The following DYNC2I1 variants were observed in gnomAD, a reference collection of about 807,000 sequenced individuals.
DYNC2I1 encodes the protein dynein 2 intermediate chain 1, also known as cytoplasmic dynein 2 intermediate chain 1.
Under a neutral mutation model 133.4 loss-of-function variants are expected in DYNC2I1, and 89 were observed. That is an observed-to-expected ratio of 0.67 (90% CI 0.56 to 0.80). The LOEUF (loss-of-function observed/expected upper bound fraction) is 0.80, where lower values mean the gene tolerates loss of function less well. Ranked by LOEUF, DYNC2I1 falls within the 30% of genes least tolerant of loss-of-function variation. The probability of loss-of-function intolerance (pLI) is 0.00; values close to 1 mark genes in which losing one functional copy is unlikely to be tolerated. For missense variants in DYNC2I1, 1,291 were observed against 1,314.5 expected, an observed-to-expected ratio of 0.98 and a Z score of 0.28; for synonymous variants, 504 against 484.3, an observed-to-expected ratio of 1.04 and a Z score of -0.54.
chr7:158,869,480 G>C (rs1326371247), intron 1 of DYNC2I1: 3 of 473,268 alleles, frequency 6.3e-6, no homozygotes, highest in African/African-American at 6.0e-5. Context: ...TGTGTGCACA[G>C]CATTTGGGAC....
At chr7:158,879,455 A>G (rs779734885) in intron 4 of DYNC2I1, among the ~76,000 whole-genome samples, 1 of 152,162 alleles carries the variant, frequency 6.6e-6, no homozygotes, top group Non-Finnish European at 1.5e-5. Flanking sequence ...TCGTCTCTAT[A>G]TTACTTAAAA....
intron 15 of DYNC2I1, among the ~76,000 whole-genome samples, chr7:158,920,865 A>G (rs951278924): frequency 6.6e-6 from 1 of 152,170 alleles, no homozygotes; most frequent in Admixed American, 6.5e-5. Context: ...CCTAGGGTCC[A>G]CCCAGTACCC....
In DYNC2I1 at chr7:158,915,196, G is replaced by A. The variant is rs551462525; in HGVS notation, c.1791+875G>A. The stretch of plus-strand genomic sequence containing the variant: ...GTTGACAGGATGATTGTGAAACCTC[G>A]ACACGCTGGTTGACATTAAGGATGA... On this transcript the variant is annotated intron_variant, in intron 14 of 24. Coordinates refer to ENST00000407559, the MANE Select transcript of DYNC2I1 (RefSeq NM_018051.5). Among the ~76,000 whole-genome samples the A allele has an allele frequency of 7.0e-3, 1,008 of 142,994 alleles. 17 individuals are homozygous for A. The highest frequency in any genetic ancestry group is 0.027 in the Admixed American group (379 of 13,970). 93.8% of individuals were successfully genotyped at this position (142,994 alleles called of 152,430 possible). A position where few individuals can be genotyped will look rare whatever the true frequency, so the allele number is the denominator to read the frequency against.
At chr7:158,923,984 A>T (rs1171097774) in intron 17 of DYNC2I1, among the ~76,000 whole-genome samples, 2 of 152,174 alleles carry the variant, frequency 1.3e-5, no homozygotes, top group African/African-American at 4.8e-5. Context: ...TCCTCAATGA[A>T]ATTACCTTTA....
intron 16 of DYNC2I1, 95 bp downstream of exon 16, chr7:158,922,644 A>C (rs991510279): frequency 8.0e-7 from 1 of 1,256,314 alleles, no homozygotes; most frequent in East Asian, 2.5e-5. Flanking sequence ...AGAGAGGTGC[A>C]GGGACAGGAG....
intron 3 of DYNC2I1, among the ~76,000 whole-genome samples, chr7:158,873,729 C>T (rs995045192): frequency 2.6e-5 from 4 of 152,090 alleles, no homozygotes; most frequent in Admixed American, 2.6e-4. Context: ...GTAGCAGAGT[C>T]TCCAGGCTCG....
intron 1 of DYNC2I1, among the ~76,000 whole-genome samples, chr7:158,862,374 C>T (rs770769416): frequency 9.9e-5 from 15 of 152,032 alleles, no homozygotes; most frequent in Non-Finnish European, 2.1e-4. Flanking sequence ...ATTGGTTATA[C>T]ATCACTGAAC....
At chr7:158,942,679 G>C (rs1585256894) in intron 24 of DYNC2I1, among the ~76,000 whole-genome samples, 1 of 152,216 alleles carries the variant, frequency 6.6e-6, no homozygotes, top group Non-Finnish European at 1.5e-5. Flanking sequence ...ATGTCTGAAC[G>C]AGGTACTTGG....
At chr7:158,858,011 G>A (rs550082817) in intron 1 of DYNC2I1, among the ~76,000 whole-genome samples, 18 of 151,948 alleles carry the variant, frequency 1.2e-4, no homozygotes, top group Non-Finnish European at 2.6e-4. Flanking sequence ...GGCTGGTCTC[G>A]AACTCCTGAC....
At chr7:158,871,120 A>G in intron 2 of DYNC2I1, 22 bp from the exon 3 acceptor site, 1 of 1,592,698 alleles carries the variant, frequency 6.3e-7, no homozygotes, top group Non-Finnish European at 8.5e-7. Context: ...GTCACGGAGG[A>G]CCCTTTGTTC....
chr7:158,884,066 A>G (rs1230724067), intron 5 of DYNC2I1, among the ~76,000 whole-genome samples: 2 of 139,546 alleles, frequency 1.4e-5, no homozygotes, highest in African/African-American at 5.3e-5. Context: ...TTTTTTTGAG[A>G]TGGAGTCTCG....
At chr7:158,866,533 A>C (rs979037943) in intron 1 of DYNC2I1, among the ~76,000 whole-genome samples, 1 of 151,902 alleles carries the variant, frequency 6.6e-6, no homozygotes, top group Non-Finnish European at 1.5e-5. Flanking sequence ...CCTGGGTTCC[A>C]TTCAGCCCTT....
intron 1 of DYNC2I1, among the ~76,000 whole-genome samples, chr7:158,857,023 C>T (rs1232735395): frequency 2.6e-5 from 4 of 152,168 alleles, no homozygotes; most frequent in African/African-American, 9.6e-5. Context: ...CGGCCCGTCT[C>T]CTCGCGCCCG....
At chr7:158,938,913 C>T (rs1851050318) in intron 23 of DYNC2I1, among the ~76,000 whole-genome samples, 1 of 152,084 alleles carries the variant, frequency 6.6e-6, no homozygotes, top group Admixed American at 6.6e-5. Flanking sequence ...TGTATTTGTA[C>T]AATATGCTCA....
In DYNC2I1 at chr7:158,945,958, G is replaced by A. The variant is rs975066599; in HGVS notation, c.*179G>A. 1.2e-5 allele frequency: 7 copies of A among 600,864 alleles called. No homozygotes were observed. The highest frequency in any genetic ancestry group is 1.2e-5 in the Non-Finnish European group (5 of 400,092). 37.2% of individuals were successfully genotyped at this position (600,864 alleles called of 1,614,324 possible). On this transcript the variant is annotated 3_prime_UTR_variant, in exon 25 of 25. Coordinates refer to ENST00000407559, the MANE Select transcript of DYNC2I1 (RefSeq NM_018051.5). The surrounding 1 kb of genome is among the most constrained non-coding windows in gnomAD (Gnocchi z 4.1). ...CCAGTAAATAGATGACTACTTTTGA[G>A]TGGAAACAAAGAACATTCTAGCATT... is the stretch of plus-strand genomic sequence containing the variant.
At chr7:158,958,138 C>G (rs1025795930), downstream of DYNC2I1, among the ~76,000 whole-genome samples, 2 of 149,906 alleles carry the variant, frequency 1.3e-5, no homozygotes, top group Admixed American at 1.3e-4. Context: ...GCCACAGACA[C>G]GCCCCAGGTC....
At chr7:158,954,439 G>C (rs551699136) in intron 4 of DYNC2I1, among the ~76,000 whole-genome samples, 1 of 152,308 alleles carries the variant, frequency 6.6e-6, no homozygotes, top group East Asian at 1.9e-4. Flanking sequence ...GAGTCTAGGA[G>C]CTCAAGACCA....
intron 17 of DYNC2I1, 110 bp downstream of exon 17, chr7:158,923,843 C>T (rs1033534725): frequency 1.2e-4 from 174 of 1,427,402 alleles, no homozygotes; most frequent in Middle Eastern, 2.6e-4. Context: ...TCCCAGAGGA[C>T]GGGGTCTGAC....
rs371978317 is a variant in DYNC2I1 at position 158,884,511 on chromosome 7, C to T, written c.880-53C>T. On this transcript the variant is annotated intron_variant, in intron 5 of 24. Transcript: ENST00000407559. The stretch of plus-strand genomic sequence containing the variant: ...TTGTGGGGTTTACTAATTATGCTTA[C>T]TTCATTCCGATATGCTAATAAATGG... 1.1e-4 allele frequency: 167 copies of T among 1,553,106 alleles called. No individual in the cohort carries two copies. In the African/African-American group the frequency reaches 1.9e-3, roughly 17 times the overall value.
Sources: allele counts gnomAD v4.1 joint callset (sites outside exome capture counted in the v4.1 genomes callset), GRCh38; gene constraint gnomAD v4.1.1; non-coding constraint Gnocchi (gnomAD v3.1); transcripts MANE v1.5; gene names NCBI Gene and HGNC (gene_info 2026-07-23, HGNC 2026-07-21).